The following KIAA1328 variants were observed in gnomAD, a reference collection of about 807,000 sequenced individuals.
KIAA1328 encodes protein hinderin.
In KIAA1328, 52 loss-of-function variants were observed where a neutral mutation model predicts 68.1. That is an observed-to-expected ratio of 0.76 (90% CI 0.61 to 0.96). The LOEUF (loss-of-function observed/expected upper bound fraction) is 0.96, where lower values mean the gene tolerates loss of function less well. KIAA1328 is among the 40% of genes least tolerant of loss of function. KIAA1328 has a pLI of 0.00. For synonymous variants in KIAA1328, 232 were observed against 239.4 expected, an observed-to-expected ratio of 0.97 and a Z score of 0.28; for missense variants, 641 against 677.6, an observed-to-expected ratio of 0.95 and a Z score of 0.60.
intron 6 of KIAA1328, among the ~76,000 whole-genome samples, chr18:37,005,279 TG>T: frequency 6.6e-6 from 1 of 151,818 alleles, no homozygotes; most frequent in African/African-American, 2.4e-5. Flanking sequence ...AAAACAGAGG[TG>T]GGCAAAGGAC....
chr18:36,831,579 A>C (rs1452237714), intron 1 of KIAA1328, among the ~76,000 whole-genome samples: 5 of 152,228 alleles, frequency 3.3e-5, no homozygotes, highest in African/African-American at 1.2e-4. Flanking sequence ...TACCATTAGC[A>C]ATATCATGGA....
At position 36,919,194 on chromosome 18, in the gene KIAA1328, T is replaced by G. The variant is rs115311122; in HGVS notation, c.448+33522T>G. On this transcript the variant is annotated intron_variant, in intron 5 of 9. Transcript: ENST00000280020. ...ATTTTCCTCCATACTTGTTAATACT[T>G]CTCATGAAATCCATTTTGTTTGATA... Among the ~76,000 whole-genome samples, 1,017 of 152,306 alleles carry G rather than the reference T, an allele frequency of 6.7e-3. 15 individuals carry two copies. The highest frequency in any genetic ancestry group is 0.023 in the African/African-American group (942 of 41,562).
intron 5 of KIAA1328, among the ~76,000 whole-genome samples, chr18:36,919,581 A>G (rs975789787): frequency 6.6e-6 from 1 of 152,182 alleles, no homozygotes; most frequent in African/African-American, 2.4e-5. Flanking sequence ...TTTTGGGTAT[A>G]TACCCAGTAA....
downstream of KIAA1328, among the ~76,000 whole-genome samples, chr18:37,227,341 A>G (rs1305868099): frequency 2.6e-5 from 4 of 152,218 alleles, no homozygotes; most frequent in Admixed American, 6.5e-5. Flanking sequence ...TGGATTTTCA[A>G]TGTAAATTAA....
intron 6 of KIAA1328, among the ~76,000 whole-genome samples, chr18:36,985,363 C>T (rs1056798595): frequency 6.6e-6 from 1 of 152,056 alleles, no homozygotes; most frequent in African/African-American, 2.4e-5. Flanking sequence ...TAGAAATTGA[C>T]AAATTGATTG....
At chr18:36,983,157 A>G (rs908138546) in intron 6 of KIAA1328, among the ~76,000 whole-genome samples, 1 of 152,104 alleles carries the variant, frequency 6.6e-6, no homozygotes, top group African/African-American at 2.4e-5. Flanking sequence ...AAGCACCGCA[A>G]TTAAAAAGCA....
rs537737890 is a variant in KIAA1328, at chr18:36,977,251, C to T, written c.576+17816C>T. ...ATCCTTAAAGGCCTGTCATTGGCAT[C>T]GTGAGGTAATCCTTTTCTCATTGGC... is the stretch of plus-strand genomic sequence containing the variant. On this transcript the variant is annotated intron_variant, in intron 6 of 9. Coordinates refer to ENST00000280020, the MANE Select transcript of KIAA1328 (RefSeq NM_020776.3). 9.2e-5 allele frequency among the ~76,000 whole-genome samples: 14 copies of T among 152,276 alleles called. No individual in the cohort carries two copies. The East Asian group carries it at 1.2e-3, about 13-fold the overall frequency.
intron 6 of KIAA1328, among the ~76,000 whole-genome samples, chr18:37,027,294 C>T (rs976877341): frequency 6.6e-6 from 1 of 152,082 alleles, no homozygotes; most frequent in Admixed American, 6.5e-5. Flanking sequence ...CCATATTGCC[C>T]AAGGTAATTT....
chr18:37,036,126 C>T (rs1422320738), intron 6 of KIAA1328, among the ~76,000 whole-genome samples: 2 of 152,152 alleles, frequency 1.3e-5, no homozygotes, highest in South Asian at 2.1e-4. Flanking sequence ...CACCTTATTA[C>T]GTAAGCATTT....
intron 6 of KIAA1328, among the ~76,000 whole-genome samples, chr18:36,972,508 C>T (rs1458930216): frequency 6.6e-6 from 1 of 152,024 alleles, no homozygotes; most frequent in African/African-American, 2.4e-5. Flanking sequence ...GGTCTAACCA[C>T]AGAAGGATCA....
intron 5 of KIAA1328, chr18:36,954,488 G>A (rs775698726): frequency 1.3e-5 from 2 of 152,082 alleles, no homozygotes; most frequent in Non-Finnish European, 2.9e-5. Flanking sequence ...ATTGAAAGAT[G>A]CATTTTCTTC....
At chr18:37,118,925 C>A (rs750149652) in intron 7 of KIAA1328, among the ~76,000 whole-genome samples, 1 of 152,176 alleles carries the variant, frequency 6.6e-6, no homozygotes, top group East Asian at 1.9e-4. Context: ...CAAGCCATTG[C>A]CACCTAGTTG....
At chr18:37,105,392 G>T (rs903551330) in intron 7 of KIAA1328, among the ~76,000 whole-genome samples, 1 of 151,276 alleles carries the variant, frequency 6.6e-6, no homozygotes, top group Non-Finnish European at 1.5e-5. Context: ...TAAGGAGGCT[G>T]AGATGGGAGG....
At chr18:37,032,522 G>T (rs537478599) in intron 6 of KIAA1328, among the ~76,000 whole-genome samples, 136 of 149,996 alleles carry the variant, frequency 9.1e-4, no homozygotes, top group Non-Finnish European at 1.7e-3. Flanking sequence ...TTCATCTTTC[G>T]TATCTATTTC....
chr18:36,892,810 T>A (rs2048733405), intron 5 of KIAA1328, among the ~76,000 whole-genome samples: 1 of 152,234 alleles, frequency 6.6e-6, no homozygotes, highest in Non-Finnish European at 1.5e-5. Context: ...AAGAACTGAT[T>A]GTTACTTATT....
rs996180921 is a variant in KIAA1328 at position 36,927,302 on chromosome 18, C to T, written c.449-32006C>T. Among the ~76,000 whole-genome samples, 8 of 152,140 alleles carry T rather than the reference C, an allele frequency of 5.3e-5. No homozygotes were observed. The South Asian group carries it at 6.2e-4, about 12-fold the overall frequency. On this transcript the variant is annotated intron_variant, in intron 5 of 9. Coordinates refer to ENST00000280020, the MANE Select transcript of KIAA1328 (RefSeq NM_020776.3). Reference sequence around the variant, plus strand: ...GGAACTGTCTGTAGTATCTTTGCAACTTTTTTGTTATGTCTAAAATGATTC... The same window carrying T: ...GGAACTGTCTGTAGTATCTTTGCAATTTTTTTGTTATGTCTAAAATGATTC...
rs1262856965 is a variant in KIAA1328, at chr18:37,118,416, G to A, written c.1233-41784G>A. 3.9e-5 allele frequency among the ~76,000 whole-genome samples: 6 copies of A among 152,092 alleles called. No homozygotes were observed. In the East Asian group the frequency reaches 1.2e-3, roughly 29 times the overall value. On this transcript the variant is annotated intron_variant, in intron 7 of 9. Transcript: ENST00000280020. ...CCTTTATTCCTGAAGGGGCTGGGTC[G>A]TTCATAGTCCTGCAGGAATTGGGTT...
intron 6 of KIAA1328, among the ~76,000 whole-genome samples, chr18:36,969,702 T>C (rs1937958884): frequency 6.6e-6 from 1 of 152,110 alleles, no homozygotes; most frequent in Non-Finnish European, 1.5e-5. Flanking sequence ...TTCTACCAGA[T>C]GTACAAAGAA....
At chr18:37,011,012 A>G (rs2053960895) in intron 6 of KIAA1328, among the ~76,000 whole-genome samples, 1 of 152,220 alleles carries the variant, frequency 6.6e-6, no homozygotes, top group African/African-American at 2.4e-5. Flanking sequence ...CTATGCTACA[A>G]GTAGCCATTT....
Sources: allele counts gnomAD v4.1 joint callset (sites outside exome capture counted in the v4.1 genomes callset), GRCh38; gene constraint gnomAD v4.1.1; transcripts MANE v1.5; gene names NCBI Gene and HGNC (gene_info 2026-07-23, HGNC 2026-07-21).